ANTXR1: variants seen among roughly 807,000 people sequenced by gnomAD.
ANTXR1 encodes anthrax toxin receptor 1.
In ANTXR1, 19 loss-of-function variants were observed where a neutral mutation model predicts 78.1. The ratio of observed to expected loss-of-function variants is 0.24; its 90% CI spans 0.17 to 0.36. The LOEUF is 0.36. ANTXR1 is among the 10% of genes least tolerant of loss of function. The pLI is 1.00. For missense variants in ANTXR1, 518 were observed against 718.6 expected (o/e 0.72, Z 3.19); for synonymous variants, 273 against 260.5 (o/e 1.05, Z -0.46).
At chr2:69,112,477 G>A (rs1408189745) in intron 10 of ANTXR1, among the ~76,000 whole-genome samples, 1 of 152,200 alleles carries the variant, frequency 6.6e-6, no homozygotes, top group Non-Finnish European at 1.5e-5. Context: ...GCCTGATTCA[G>A]AGATGCTGAT....
chr2:69,057,052 T>A (rs1486414860), intron 3 of ANTXR1, among the ~76,000 whole-genome samples: 1 of 150,758 alleles, frequency 6.6e-6, no homozygotes, highest in South Asian at 2.1e-4. Context: ...ATGTCATGTT[T>A]TTGAGATTTT....
intron 8 of ANTXR1, among the ~76,000 whole-genome samples, chr2:69,084,978 G>A (rs187109560): frequency 5.3e-5 from 8 of 150,374 alleles, no homozygotes; most frequent in Admixed American, 6.7e-5. Context: ...CCAGCCTCCC[G>A]AGTAGCTGGG....
chr2:69,062,733 A>G (rs927974574), intron 3 of ANTXR1, among the ~76,000 whole-genome samples: 4 of 152,218 alleles, frequency 2.6e-5, no homozygotes, highest in African/African-American at 7.2e-5. Flanking sequence ...ATAAAGAAAA[A>G]CATAGTTAAT....
chr2:69,084,106 T>C (rs56094178), intron 8 of ANTXR1, among the ~76,000 whole-genome samples: 7,347 of 152,302 alleles, frequency 0.048, 277 homozygotes, highest in East Asian at 0.16. Flanking sequence ...TCCTCCTATA[T>C]TGAGGAATCT....
chr2:69,086,731 C>T (rs1399748301), intron 8 of ANTXR1, among the ~76,000 whole-genome samples: 6 of 152,228 alleles, frequency 3.9e-5, no homozygotes, highest in Non-Finnish European at 8.8e-5. Flanking sequence ...GAAGAGCTAA[C>T]AGCCACTGTT....
chr2:69,195,618 T>C (rs1558637967), intron 17 of ANTXR1, among the ~76,000 whole-genome samples: 1 of 152,206 alleles, frequency 6.6e-6, no homozygotes, highest in Non-Finnish European at 1.5e-5. Flanking sequence ...CTATATGAAA[T>C]TTTAAATACA....
At chr2:69,070,348 T>C (rs1303198943) in intron 3 of ANTXR1, among the ~76,000 whole-genome samples, 1 of 152,180 alleles carries the variant, frequency 6.6e-6, no homozygotes, top group African/African-American at 2.4e-5. Flanking sequence ...GAGCAGCATT[T>C]AGAGACTCAT....
chr2:69,074,423 G>A (rs1399662574), intron 6 of ANTXR1, among the ~76,000 whole-genome samples: 1 of 152,176 alleles, frequency 6.6e-6, no homozygotes, highest in Non-Finnish European at 1.5e-5. Flanking sequence ...TTAAGATAGG[G>A]ATTAGTGGGA....
chr2:69,104,398 T>A (rs1453794323), intron 10 of ANTXR1, among the ~76,000 whole-genome samples: 1 of 152,236 alleles, frequency 6.6e-6, no homozygotes, highest in Non-Finnish European at 1.5e-5. Context: ...CTTGGAGTAA[T>A]TCCAAACATT....
At chr2:69,123,904 C>T (rs1019528482) in intron 11 of ANTXR1, among the ~76,000 whole-genome samples, 2 of 152,200 alleles carry the variant, frequency 1.3e-5, no homozygotes, top group South Asian at 4.1e-4. Flanking sequence ...ACTTGTTCAT[C>T]TGAATTTTGC....
At chr2:69,219,269 C>T (rs1675255175) in intron 17 of ANTXR1, among the ~76,000 whole-genome samples, 1 of 152,082 alleles carries the variant, frequency 6.6e-6, no homozygotes. Context: ...GTAAAGGCTT[C>T]TGTGTGCGTA....
chr2:69,017,670 G>A (rs1418498761), intron 1 of ANTXR1, among the ~76,000 whole-genome samples: 1 of 152,138 alleles, frequency 6.6e-6, no homozygotes, highest in East Asian at 1.9e-4. Flanking sequence ...GCTGCACAAG[G>A]CTTTATACTG....
rs144384671 is a variant in ANTXR1 at position 69,023,066 on chromosome 2, G to A, written c.152+9415G>A. ...CACAGGGCTTAAGAAGGCCACCTTC[G>A]GAATCAGGCATCTGCAGCTTTAAAT... is the stretch of plus-strand genomic sequence containing the variant. On this transcript the variant is annotated intron_variant, in intron 1 of 17. Coordinates refer to ENST00000303714, the MANE Select transcript of ANTXR1 (RefSeq NM_032208.3). Among the ~76,000 whole-genome samples the A allele has an allele frequency of 9.2e-5, 14 of 152,302 alleles. No homozygotes were observed. In the South Asian group the frequency reaches 2.3e-3, roughly 25 times the overall value.
rs1674281012 is a variant in ANTXR1, at chr2:69,181,802, G to A, written c.1106G>A (p.Gly369Asp). The change falls in exon 15 of 18, where the codon GGT becomes GAT. Residue 369 changes from glycine (G) to aspartate (D), a missense_variant. Gly to Asp is a moderately conservative substitution (Grantham distance 94). Around this residue, in one of 5 missense-constraint regions of ANTXR1, gnomAD observed 264 missense variants for 391.8 expected, o/e 0.67. Coordinates refer to ENST00000303714, the MANE Select transcript of ANTXR1 (RefSeq NM_032208.3). The stretch of plus-strand genomic sequence containing the variant: ...TCTCTGCAGGAAGAAGATGATGATG[G>A]TCTGCCTAAGAAAAAGTGGCCAACG... ...AEESEEEDDD[G>D]LPKKKWPTVD... is the part of the protein sequence containing the mutation. 3 of 1,614,092 alleles carry A rather than the reference G, an allele frequency of 1.9e-6. No homozygotes were observed. The highest frequency in any genetic ancestry group is 1.7e-6 in the Non-Finnish European group (2 of 1,179,976).
intron 3 of ANTXR1, among the ~76,000 whole-genome samples, chr2:69,065,606 T>C (rs1019565615): frequency 1.3e-5 from 2 of 152,172 alleles, no homozygotes; most frequent in Admixed American, 1.3e-4. Context: ...TATCTGGGCA[T>C]GTTACTGTGT....
At chr2:69,154,185 T>C (rs924828445) in intron 13 of ANTXR1, among the ~76,000 whole-genome samples, 4 of 152,252 alleles carry the variant, frequency 2.6e-5, no homozygotes, top group Non-Finnish European at 4.4e-5. Context: ...CAAAATATTT[T>C]TCAATGAATT....
chr2:69,201,258 G>C (rs1393044006), intron 17 of ANTXR1, among the ~76,000 whole-genome samples: 2 of 152,164 alleles, frequency 1.3e-5, no homozygotes, highest in Non-Finnish European at 2.9e-5. Flanking sequence ...TTTAAGCTAA[G>C]ACAAGAAGGG....
intron 12 of ANTXR1, among the ~76,000 whole-genome samples, chr2:69,131,744 G>A (rs1199723075): frequency 6.6e-6 from 1 of 152,170 alleles, no homozygotes; most frequent in African/African-American, 2.4e-5. Context: ...GAAAGAAAAG[G>A]AGCCAGAAGG....
chr2:69,019,068 T>C (rs1671108706), intron 1 of ANTXR1, among the ~76,000 whole-genome samples: 1 of 152,336 alleles, frequency 6.6e-6, no homozygotes, highest in African/African-American at 2.4e-5. Context: ...TCGTAATTTG[T>C]TCAGACTGAA....
Sources: allele counts gnomAD v4.1 joint callset (sites outside exome capture counted in the v4.1 genomes callset), GRCh38; gene constraint gnomAD v4.1.1; regional missense constraint gnomAD v4.1.1; transcripts MANE v1.5; gene names NCBI Gene and HGNC (gene_info 2026-07-23, HGNC 2026-07-21).